Variants in TECPR2 observed in about 807,000 individuals in gnomAD.
TECPR2 encodes the protein tectonin beta-propeller repeat-containing protein 2.
In TECPR2, 65 loss-of-function variants were observed where a neutral mutation model predicts 138.1. The observed-to-expected ratio is 0.47, with a 90% confidence interval of 0.39 to 0.58. The LOEUF is 0.58. TECPR2 is among the 20% of genes least tolerant of loss of function. The pLI is 0.00. For missense variants in TECPR2, 1,553 were observed against 1,824.5 expected (o/e 0.85, Z 2.71); for synonymous variants, 746 against 749.8 (o/e 0.99, Z 0.08).
Position 102,498,289 on chromosome 14 carries a change from C to G in TECPR2, c.*32C>G, listed in dbSNP as rs200883283. ...CCTGGCCGAGTCACGCGGAGGGGCC[C>G]GGCGTCTGTGGCGGGCACAGGGGCT... On this transcript the variant is annotated 3_prime_UTR_variant, in exon 20 of 20. Coordinates refer to ENST00000359520, the MANE Select transcript of TECPR2 (RefSeq NM_014844.5). 1 of 1,582,822 alleles carries G rather than the reference C, an allele frequency of 6.3e-7. No individual in the cohort carries two copies. The highest frequency in any genetic ancestry group is 1.3e-5 in the African/African-American group (1 of 74,704).
intron 2 of TECPR2, among the ~76,000 whole-genome samples, chr14:102,404,421 C>G (rs1011455141): frequency 1.3e-5 from 2 of 152,040 alleles, no homozygotes; most frequent in African/African-American, 4.8e-5. Context: ...GAACTTAAAA[C>G]TTAACTGCAA....
At chr14:102,404,024 A>G (rs1303878588) in intron 2 of TECPR2, among the ~76,000 whole-genome samples, 1 of 151,096 alleles carries the variant, frequency 6.6e-6, no homozygotes, top group East Asian at 1.9e-4. Context: ...CAGACTCCCA[A>G]GTAGCTAGGA....
intron 1 of TECPR2, among the ~76,000 whole-genome samples, chr14:102,370,127 A>G (rs1390919483): frequency 2.6e-5 from 4 of 151,806 alleles, no homozygotes; most frequent in African/African-American, 9.7e-5. Context: ...GCTGGAGTGC[A>G]ATGGCACAAT....
intron 1 of TECPR2, among the ~76,000 whole-genome samples, chr14:102,372,085 A>G (rs1465279680): frequency 6.6e-6 from 1 of 151,940 alleles, no homozygotes; most frequent in African/African-American, 2.4e-5. Flanking sequence ...CCTGGGCTCA[A>G]GCGATTCTCT....
rs1890176115 is a variant in TECPR2 at position 102,452,628 on chromosome 14, G to T, written c.3640+1G>T. 1.3e-6 allele frequency: 2 copies of T among 1,583,384 alleles called. No homozygotes were observed. Among genetic ancestry groups the T allele is most frequent in the Non-Finnish European group, 1.7e-6 (2 of 1,165,004 alleles). ...ACCAGGCTGGACCTCTCCCAGCTAG[G>T]TACGGCCACCTCGTGAGTACACCTG... is the stretch of plus-strand genomic sequence containing the variant. On this transcript the variant is annotated splice_donor_variant, in intron 16 of 19. Transcript: ENST00000359520. LOFTEE classifies it high-confidence loss of function.
intron 12 of TECPR2, 58 bp from the exon 13 acceptor site, chr14:102,445,748 A>G (rs1889957652): frequency 6.4e-7 from 1 of 1,567,436 alleles, no homozygotes; most frequent in South Asian, 1.2e-5. Flanking sequence ...CGCAGTCCAG[A>G]CACACTGGGC....
At chr14:102,467,021 A>G (rs1190760419) in intron 17 of TECPR2, among the ~76,000 whole-genome samples, 3 of 152,162 alleles carry the variant, frequency 2.0e-5, no homozygotes, top group Non-Finnish European at 4.4e-5. Flanking sequence ...TGACTACATC[A>G]CAGCTCTGTT....
chr14:102,471,019 A>G (rs1015728309), intron 17 of TECPR2, among the ~76,000 whole-genome samples: 4 of 151,908 alleles, frequency 2.6e-5, no homozygotes, highest in Non-Finnish European at 4.4e-5. Context: ...GGGTTTCACT[A>G]TGTTGAATAG....
chr14:102,483,624 T>C (rs921460426), intron 17 of TECPR2, among the ~76,000 whole-genome samples: 2 of 151,532 alleles, frequency 1.3e-5, no homozygotes, highest in Non-Finnish European at 2.9e-5. Context: ...TATTATTTTT[T>C]GTAGAGATGG....
chr14:102,452,012 C>T lies in TECPR2; in HGVS notation c.3407-382C>T, dbSNP rs533215887. Among the ~76,000 whole-genome samples the T allele has an allele frequency of 1.1e-4, 16 of 152,256 alleles. No individual in the cohort carries two copies. In the East Asian group the frequency reaches 2.3e-3, roughly 22 times the overall value. ...TCCAGGGCACCGAGTTGATAGTCTT[C>T]TCCTCTTGGTAAAATTAACTTTCTA... On this transcript the variant is annotated intron_variant, in intron 15 of 19. Coordinates refer to ENST00000359520, the MANE Select transcript of TECPR2 (RefSeq NM_014844.5).
rs564166857 is a variant in TECPR2 at position 102,451,102 on chromosome 14, C to T, written c.3406+453C>T. 1.1e-4 allele frequency among the ~76,000 whole-genome samples: 17 copies of T among 152,320 alleles called. No individual in the cohort carries two copies. The South Asian group carries it at 2.5e-3, about 22-fold the overall frequency. On this transcript the variant is annotated intron_variant, in intron 15 of 19. Transcript: ENST00000359520. ...CGCATTAGGCAGACCTGCCCTGCAG[C>T]GGGGTGCTCCTGCCAACCACATTCT...
intron 1 of TECPR2, among the ~76,000 whole-genome samples, chr14:102,368,612 G>T (rs1262859502): frequency 1.1e-4 from 16 of 141,086 alleles, no homozygotes; most frequent in Non-Finnish European, 1.7e-4. Context: ...CATTTTGTGG[G>T]TTTTTTTTTT....
rs367601369 is a variant in TECPR2 at position 102,426,137 on chromosome 14, C to T, written c.951+846C>T. ...CCTGACTCAGGTGATCCGCCAGCCT[C>T]GGCCTCCCAAAGTGCTGGGGTTACA... On this transcript the variant is annotated intron_variant, in intron 6 of 19. Coordinates refer to ENST00000359520, the MANE Select transcript of TECPR2 (RefSeq NM_014844.5). Among the ~76,000 whole-genome samples, 84 of 151,696 alleles carry T rather than the reference C, an allele frequency of 5.5e-4. No homozygotes were observed. In the East Asian group the frequency reaches 0.012, roughly 22 times the overall value.
intron 9 of TECPR2, chr14:102,437,098 C>T (rs895181785): frequency 2.0e-6 from 2 of 985,384 alleles, no homozygotes. Context: ...GTAAGACTTG[C>T]CATGGTGAGC....
At position 102,420,181 on chromosome 14, in the gene TECPR2, G is replaced by A. The variant is rs1208932969; in HGVS notation, c.639-4798G>A. On this transcript the variant is annotated intron_variant, in intron 5 of 19. Coordinates refer to ENST00000359520, the MANE Select transcript of TECPR2 (RefSeq NM_014844.5). This position sits in a 1 kb window ranked among gnomAD's most constrained non-coding sequence, Gnocchi z 4.1. ...CAGAACACACTCCTTACATATCAACGTGGTCTATAAAGGGAATTAAAATTT... is the reference window on the plus strand; with the variant it reads ...CAGAACACACTCCTTACATATCAACATGGTCTATAAAGGGAATTAAAATTT... Among the ~76,000 whole-genome samples, 1 of 152,128 alleles carries A rather than the reference G, an allele frequency of 6.6e-6. No homozygotes were observed. Among genetic ancestry groups the A allele is most frequent in the Non-Finnish European group, 1.5e-5 (1 of 68,026 alleles).
intron 1 of TECPR2, among the ~76,000 whole-genome samples, chr14:102,374,086 A>G (rs912405453): frequency 2.0e-5 from 3 of 151,624 alleles, no homozygotes; most frequent in Non-Finnish European, 2.9e-5. Flanking sequence ...AAAAAAAAAA[A>G]AAAGAAAAGA....
At chr14:102,452,267 G>A in intron 15 of TECPR2, 127 bp from the exon 16 acceptor site, 1 of 856,096 alleles carries the variant, frequency 1.2e-6, no homozygotes, top group East Asian at 2.7e-5. Context: ...GAATGGGCAG[G>A]TGAGTGAGCT....
intron 2 of TECPR2, among the ~76,000 whole-genome samples, chr14:102,390,829 C>T (rs1888150385): frequency 6.6e-6 from 1 of 151,186 alleles, no homozygotes. Context: ...TATATAGTAC[C>T]TATCTTAGCA....
chr14:102,465,588 CTA>C (rs1890536453), intron 17 of TECPR2: 1 of 1,072,268 alleles, frequency 9.3e-7, no homozygotes, highest in African/African-American at 1.7e-5. Flanking sequence ...TTAAATCTGC[CTA>C]TATATTGGAA....
Sources: gnomAD v4.1 joint callset for allele counts (sites outside exome capture counted in the v4.1 genomes callset) on GRCh38, gnomAD v4.1.1 for gene constraint, Gnocchi (gnomAD v3.1) non-coding constraint, MANE v1.5 for transcripts, NCBI Gene and HGNC (gene_info 2026-07-23, HGNC 2026-07-21) for gene names.